DMRTB1: variants seen among roughly 807,000 people sequenced by gnomAD.
DMRTB1 encodes the protein DMRT like family B with proline rich C-terminal 1.
Under a neutral mutation model 25.2 loss-of-function variants are expected in DMRTB1, and 9 were observed. The observed-to-expected ratio is 0.36, with a 90% CI of 0.22 to 0.62. DMRTB1 has a LOEUF of 0.62. Among genes scored for constraint, DMRTB1 ranks in the 20% least tolerant of loss-of-function variants. The probability of loss-of-function intolerance (pLI) is 0.71; values close to 1 mark genes in which losing one functional copy is unlikely to be tolerated. For synonymous variants in DMRTB1, 269 were observed against 238.1 expected (o/e 1.13, Z -1.20); for missense variants, 551 against 499.3 (o/e 1.10, Z -0.99).
rs1371988934 is a variant in DMRTB1 at position 53,459,581 on chromosome 1, T to C, written c.128T>C (p.Ile43Thr). The C allele has an allele frequency of 4.4e-6, 7 of 1,604,666 alleles. No individual in the cohort carries two copies. The highest frequency in any genetic ancestry group is 1.7e-5 in the Admixed American group (1 of 58,636). ...TGCCTCTGCGAGAAGTGCTACCTGA[T>C]CTCCGAGCGCCAGAAGATCATGGCC... ...KQCLCEKCYL[I>T]SERQKIMAAQ... The change falls in exon 1 of 4, where the codon ATC (isoleucine) becomes ACC (threonine). Residue 43 changes from isoleucine to threonine, a missense_variant. Transcript: ENST00000371445.
At chr1:53,465,861 C>T (rs1200053757) in intron 3 of DMRTB1, among the ~76,000 whole-genome samples, 1 of 152,196 alleles carries the variant, frequency 6.6e-6, no homozygotes, top group African/African-American at 2.4e-5. Flanking sequence ...TAAAAGGAGA[C>T]TAATAATGGT....
Position 53,461,634 on chromosome 1 carries a change from G to A in DMRTB1, c.739G>A (p.Gly247Ser). The change falls in exon 2 of 4, where the codon GGC becomes AGC. Residue 247 changes from glycine (G) to serine (S), a missense_variant. Physicochemically the swap from Gly to Ser is moderately conservative, Grantham distance 56 (BLOSUM62 0). Coordinates refer to ENST00000371445, the MANE Select transcript of DMRTB1 (RefSeq NM_033067.3). ...GCATGTGTCCCGCAGCCAGTACCAA[G>A]GCGGAGGCTTGGTGAGTCCCACCCC... ...FRHVSRSQYQ[G>S]GGLVSEPGGD... is the part of the protein sequence containing the mutation. 1.3e-6 allele frequency: 2 copies of A among 1,594,876 alleles called. No individual in the cohort carries two copies. Among genetic ancestry groups the A allele is most frequent in the Non-Finnish European group, 1.7e-6 (2 of 1,171,160 alleles).
intron 1 of DMRTB1, 71 bp from the exon 2 acceptor site, chr1:53,461,402 C>G (rs573944779): frequency 6.9e-7 from 1 of 1,459,756 alleles, no homozygotes; most frequent in Admixed American, 2.3e-5. Context: ...ATGACCCCGC[C>G]GCCCTGGGCC....
Position 53,461,614 on chromosome 1 carries a change from T to A in DMRTB1, c.719T>A (p.Val240Glu), listed in dbSNP as rs765437308. Residue 240 changes from valine to glutamate, a missense_variant, in exon 2 of 4, where the codon GTG (valine) becomes GAG (glutamate). Physicochemically the swap from Val to Glu is moderately radical, Grantham distance 121. Coordinates refer to ENST00000371445, the MANE Select transcript of DMRTB1 (RefSeq NM_033067.3). The stretch of plus-strand genomic sequence containing the variant: ...CCCCTGCAGCAGGGCTTCCGGCATG[T>A]GTCCCGCAGCCAGTACCAAGGCGGA... ...GVPLQQGFRH[V>E]SRSQYQGGGL... The A allele has an allele frequency of 4.4e-6, 7 of 1,607,242 alleles. No individual in the cohort carries two copies. The East Asian group carries it at 1.6e-4, about 36-fold the overall frequency.
chr1:53,464,876 G>A lies in DMRTB1; in HGVS notation c.961+29G>A, dbSNP rs749107239. ...AGTGAGCTCCAGTCTTCCAGCTTCA[G>A]CGAGAGCCAGGGAGACTTTCTGGAG... is the stretch of plus-strand genomic sequence containing the variant. On this transcript the variant is annotated intron_variant, in intron 3 of 3. Transcript: ENST00000371445. The A allele has an allele frequency of 3.7e-6, 6 of 1,612,986 alleles. No individual in the cohort carries two copies. The South Asian group carries it at 5.5e-5, about 15-fold the overall frequency.
At chr1:53,464,462 A>G (rs1009493147) in intron 2 of DMRTB1, among the ~76,000 whole-genome samples, 175 bp from the exon 3 acceptor site, 5 of 152,064 alleles carry the variant, frequency 3.3e-5, no homozygotes, top group Non-Finnish European at 2.9e-5. Flanking sequence ...CTTGCCTTCA[A>G]TAATTTGGCA....
Position 53,459,426 on chromosome 1 carries a change from GGTT to G in DMRTB1, c.-25_-23del. On this transcript the variant is annotated 5_prime_UTR_variant, in exon 1 of 4. Transcript: ENST00000371445. ...TTGCTCTGCAGCTCCCAGAGGTGGT[GGTT>G]GTGTTACGAAGGCTGACCCTGCCAA... 6.2e-7 allele frequency: 1 copy of G among 1,612,622 alleles called. No individual in the cohort carries two copies. The highest frequency in any genetic ancestry group is 8.5e-7 in the Non-Finnish European group (1 of 1,179,840).
At chr1:53,460,236 G>A (rs1436053330) in intron 1 of DMRTB1, 6 of 657,496 alleles carry the variant, frequency 9.1e-6, no homozygotes, top group Non-Finnish European at 1.4e-5. Context: ...AGGAATGGGC[G>A]GTTCAGAGGG....
intron 2 of DMRTB1, among the ~76,000 whole-genome samples, 189 bp from the exon 3 acceptor site, chr1:53,464,448 C>T (rs562460115): frequency 1.1e-4 from 17 of 152,286 alleles, no homozygotes; most frequent in African/African-American, 4.1e-4. Flanking sequence ...TGCCTGTGTT[C>T]CTTCTTGCCT....
chr1:53,462,971 T>A (rs1644030081), intron 2 of DMRTB1, among the ~76,000 whole-genome samples: 1 of 152,252 alleles, frequency 6.6e-6, no homozygotes, highest in African/African-American at 2.4e-5. Flanking sequence ...GAGCCTGGCG[T>A]CCAGGGCAGC....
In DMRTB1 at chr1:53,459,858, G is replaced by A. The variant is rs1644009057; in HGVS notation, c.405G>A (p.Gln135=). 4.7e-6 allele frequency: 7 copies of A among 1,498,344 alleles called. No homozygotes were observed. The highest frequency in any genetic ancestry group is 6.2e-6 in the Non-Finnish European group (7 of 1,132,530). The allele number at this position is 1,498,344 out of a possible 1,614,324, so 92.8% of individuals were successfully genotyped here. ...RGRNPGPRAL[Q]PVLGGRSHVE... The stretch of plus-strand genomic sequence containing the variant: ...GGAACCCCGGCCCGAGAGCCCTCCA[G>A]CCGGTTCTGGGCGGCCGCAGCCACG... The change falls in exon 1 of 4, where the codon CAG becomes CAA. Residue 135 remains glutamine (Q), a synonymous_variant. Transcript: ENST00000371445.
intron 2 of DMRTB1, among the ~76,000 whole-genome samples, chr1:53,463,934 C>T (rs1644036862): frequency 6.6e-6 from 1 of 152,156 alleles, no homozygotes; most frequent in Non-Finnish European, 1.5e-5. Flanking sequence ...CTGATGGGGC[C>T]CTGTGCTGTG....
In DMRTB1 at chr1:53,464,728, C is replaced by A; in HGVS notation, c.842C>A (p.Pro281His). The A allele has an allele frequency of 1.9e-6, 3 of 1,613,580 alleles. No homozygotes were observed. The highest frequency in any genetic ancestry group is 2.5e-6 in the Non-Finnish European group (3 of 1,179,758). Residue 281 changes from proline to histidine, a missense_variant, in exon 3 of 4, where the codon CCC becomes CAC. Physicochemically the swap from Pro to His is moderately conservative, Grantham distance 77. Transcript: ENST00000371445. ...CCCCTTCCACCGCTTCCACCGCAGC[C>A]CCAGTTCCTCCCGCCAGGCTACCTC... ...LPPLPPLPPQ[P>H]QFLPPGYLSA...
Position 53,460,024 on chromosome 1 carries a change from G to C in DMRTB1, c.571G>C (p.Asp191His), listed in dbSNP as rs762879815. 8 of 1,577,018 alleles carry C rather than the reference G, an allele frequency of 5.1e-6. No homozygotes were observed. The highest frequency in any genetic ancestry group is 6.8e-6 in the Non-Finnish European group (8 of 1,170,442). Residue 191 changes from aspartate to histidine, a missense_variant, in exon 1 of 4, where the codon GAC becomes CAC. Physicochemically the swap from Asp to His is moderately conservative, Grantham distance 81. Coordinates refer to ENST00000371445, the MANE Select transcript of DMRTB1 (RefSeq NM_033067.3). ...MRTVPGPLFT[D>H]FVRPLNINPD... The stretch of plus-strand genomic sequence containing the variant: ...GACCGTGCCCGGCCCACTGTTCACC[G>C]ACTTTGGTAAGTCGTGGCCTTGGTC...
intron 3 of DMRTB1, among the ~76,000 whole-genome samples, chr1:53,465,208 T>G (rs4142851): frequency 9.9e-5 from 15 of 152,138 alleles, no homozygotes; most frequent in Non-Finnish European, 2.1e-4. Context: ...ATGGTGTGTT[T>G]GGAAGACCAG....
At chr1:53,465,434 G>C (rs902555463) in intron 3 of DMRTB1, among the ~76,000 whole-genome samples, 3 of 152,218 alleles carry the variant, frequency 2.0e-5, no homozygotes, top group African/African-American at 4.8e-5. Flanking sequence ...CCCTTACTAG[G>C]TTACTGTGAG....
chr1:53,464,050 G>T (rs1257704890), intron 2 of DMRTB1, among the ~76,000 whole-genome samples: 1 of 152,206 alleles, frequency 6.6e-6, no homozygotes, highest in Middle Eastern at 3.2e-3. Flanking sequence ...CTCAGAAACA[G>T]CTGCGCTACA....
chr1:53,462,876 G>A (rs1644029562), intron 2 of DMRTB1, among the ~76,000 whole-genome samples: 1 of 152,252 alleles, frequency 6.6e-6, no homozygotes, highest in Non-Finnish European at 1.5e-5. Flanking sequence ...CACTGCCCAG[G>A]GAGAGCCAGG....
intron 3 of DMRTB1, among the ~76,000 whole-genome samples, chr1:53,466,359 C>G (rs555688787): frequency 6.6e-6 from 1 of 152,066 alleles, no homozygotes; most frequent in South Asian, 2.1e-4. Flanking sequence ...GGCATGTTGG[C>G]GGGTGCCTGT....
Sources: gnomAD v4.1 joint callset for allele counts (sites outside exome capture counted in the v4.1 genomes callset) on GRCh38, gnomAD v4.1.1 for gene constraint, MANE v1.5 for transcripts, NCBI Gene and HGNC (gene_info 2026-07-23, HGNC 2026-07-21) for gene names.